NALCN: variants seen among roughly 807,000 people sequenced by gnomAD.
NALCN encodes the protein sodium leak channel, non-selective, also known as sodium leak channel NALCN.
NALCN carries 111 observed loss-of-function variants against 225.3 expected under a neutral mutation model. That is an observed-to-expected ratio of 0.49 (90% CI 0.42 to 0.58). NALCN has a LOEUF of 0.58. Among genes scored for constraint, NALCN ranks in the 20% least tolerant of loss-of-function variants. NALCN has a pLI of 0.00. For missense variants in NALCN, 1,378 were observed against 2,202.4 expected (o/e 0.63, Z 7.49); for synonymous variants, 764 against 769.0 (o/e 0.99, Z 0.11).
intron 7 of NALCN, among the ~76,000 whole-genome samples, chr13:101,304,974 C>T (rs1344122872): frequency 1.3e-5 from 2 of 151,872 alleles, no homozygotes; most frequent in Non-Finnish European, 2.9e-5. Flanking sequence ...CCAGACTGGT[C>T]TTGATCTCCT....
chr13:101,257,005 C>T (rs1192825963), intron 11 of NALCN, among the ~76,000 whole-genome samples: 4 of 152,194 alleles, frequency 2.6e-5, no homozygotes, highest in African/African-American at 7.2e-5. Context: ...CCTCGTGATC[C>T]ACCCGCCTTG....
chr13:101,362,893 C>A (rs1489949604), intron 6 of NALCN, among the ~76,000 whole-genome samples: 1 of 152,036 alleles, frequency 6.6e-6, no homozygotes. Flanking sequence ...CAGTAAATTG[C>A]AGGATACAAA....
At chr13:101,088,398 C>T (rs191470476) in intron 30 of NALCN, among the ~76,000 whole-genome samples, 31 of 152,258 alleles carry the variant, frequency 2.0e-4, no homozygotes, top group African/African-American at 5.1e-4. Flanking sequence ...TCGAGCAGCA[C>T]GGTGCTTTAC....
chr13:101,408,104 G>A (rs73567907), intron 1 of NALCN, among the ~76,000 whole-genome samples: 1 of 152,098 alleles, frequency 6.6e-6, no homozygotes, highest in Non-Finnish European at 1.5e-5. Context: ...CTTTCTGATT[G>A]CCACCCCAGG....
At chr13:101,392,458 G>A (rs1190606316) in intron 3 of NALCN, among the ~76,000 whole-genome samples, 2 of 152,132 alleles carry the variant, frequency 1.3e-5, no homozygotes, top group Non-Finnish European at 2.9e-5. Flanking sequence ...TAAAAAGCTA[G>A]TTGTGCTACA....
At chr13:101,299,783 A>G (rs1301825769) in intron 7 of NALCN, among the ~76,000 whole-genome samples, 2 of 152,142 alleles carry the variant, frequency 1.3e-5, no homozygotes, top group African/African-American at 4.8e-5. Flanking sequence ...CTCATCCTCT[A>G]ATAATCTCTT....
chr13:101,074,756 T>G (rs2033146028), intron 35 of NALCN, 94 bp from the exon 36 acceptor site: 1 of 1,411,484 alleles, frequency 7.1e-7, no homozygotes, highest in Non-Finnish European at 9.4e-7. Context: ...ATTCAATCTA[T>G]TAAGCTATGG....
chr13:101,395,230 A>G lies in NALCN; in HGVS notation c.244T>C (p.Tyr82His). The change falls in exon 3 of 44, where the codon TAC (tyrosine) becomes CAC (histidine). Residue 82 changes from tyrosine to histidine, a missense_variant. By Grantham distance (83) the Tyr-to-His change is moderately conservative (BLOSUM62 2). Transcript: ENST00000251127. ...FTLDTLLMFL[Y>H]TAEMIAKMHI... ...ATTTTTGCTATCATCTCTGCCGTGT[A>G]GAGAAACATCAATAATGTATCCAAA... The G allele has an allele frequency of 6.2e-7, 1 of 1,614,052 alleles. No homozygotes were observed. Among genetic ancestry groups the G allele is most frequent in the South Asian group, 1.1e-5 (1 of 91,072 alleles).
chr13:101,399,242 T>C (rs2047399018), intron 1 of NALCN, 77 bp from the exon 2 acceptor site: 2 of 955,338 alleles, frequency 2.1e-6, no homozygotes, highest in Non-Finnish European at 3.1e-6. Context: ...CACATATATC[T>C]ACTTATTTGT....
chr13:101,329,747 T>C (rs1433191097), intron 7 of NALCN, among the ~76,000 whole-genome samples: 1 of 152,000 alleles, frequency 6.6e-6, no homozygotes, highest in Non-Finnish European at 1.5e-5. Context: ...CCTAAAAATA[T>C]AAAAACATAG....
At chr13:101,055,514 C>A in intron 43 of NALCN, 26 bp from the exon 44 acceptor site, 1 of 1,600,764 alleles carries the variant, frequency 6.2e-7, no homozygotes, top group Non-Finnish European at 8.5e-7. Context: ...GTCCTATGAG[C>A]CACTTGGTAT....
intron 39 of NALCN, among the ~76,000 whole-genome samples, chr13:101,067,296 GAA>G (rs763233239): frequency 0.069 from 4,801 of 69,318 alleles, 271 homozygotes; most frequent in African/African-American, 0.11. Flanking sequence ...AGAGGAGGGG[GAA>G]GAGGAGGGGG....
chr13:101,106,221 GA>G (rs2035091021), intron 22 of NALCN, among the ~76,000 whole-genome samples: 1 of 152,058 alleles, frequency 6.6e-6, no homozygotes, highest in African/African-American at 2.4e-5. Context: ...AATCATATTA[GA>G]TTAGGGCCCA....
chr13:101,395,458 G>C, intron 2 of NALCN, 93 bp from the exon 3 acceptor site: 1 of 1,203,384 alleles, frequency 8.3e-7, no homozygotes, highest in East Asian at 2.5e-5. Flanking sequence ...ATAATACTGA[G>C]GTTAAAATAG....
In NALCN at chr13:101,147,035, C is replaced by T. The variant is rs189936566; in HGVS notation, c.1840-2139G>A. On this transcript the variant is annotated intron_variant, in intron 15 of 43. Transcript: ENST00000251127. ...GTTGACTTGGGGGCTCTAGATGTAT[C>T]AGGACTGGTATGCATATTTTATGAG... Among the ~76,000 whole-genome samples, 5 of 152,256 alleles carry T rather than the reference C, an allele frequency of 3.3e-5. No homozygotes were observed. In the East Asian group the frequency reaches 9.7e-4, roughly 29 times the overall value.
At chr13:101,319,498 CAT>C (rs1163950901) in intron 7 of NALCN, among the ~76,000 whole-genome samples, 1 of 152,144 alleles carries the variant, frequency 6.6e-6, no homozygotes, top group African/African-American at 2.4e-5. Context: ...GCGATTTTAT[CAT>C]AGTCAAAATA....
chr13:101,211,044 AT>A (rs1382692657), intron 13 of NALCN, among the ~76,000 whole-genome samples: 2 of 152,160 alleles, frequency 1.3e-5, no homozygotes, highest in African/African-American at 4.8e-5. Flanking sequence ...ACAGACACAA[AT>A]GTATGAACTG....
At position 101,104,247 on chromosome 13, in the gene NALCN, TTTACAAAACCA is replaced by T. The variant is rs761152605; in HGVS notation, c.2889+37_2889+47del. 6.4e-7 allele frequency: 1 copy of T among 1,551,864 alleles called. No individual in the cohort carries two copies. Among genetic ancestry groups the T allele is most frequent in the Non-Finnish European group, 8.7e-7 (1 of 1,154,304 alleles). On this transcript the variant is annotated intron_variant, in intron 25 of 43. Transcript: ENST00000251127. The surrounding 1 kb of genome is among the most constrained non-coding windows in gnomAD (Gnocchi z 4.2). ...GCTTATACCAAGAAATGCAGGAGAT[TTTACAAAACCA>T]TTACATTTTTCATTTAGGCAATAAG...
intron 13 of NALCN, among the ~76,000 whole-genome samples, chr13:101,211,763 G>A (rs2040534336): frequency 6.6e-6 from 1 of 151,630 alleles, no homozygotes. Context: ...AGCTTCAGAT[G>A]AGACTCAATT....
Sources: gnomAD v4.1 joint callset for allele counts (sites outside exome capture counted in the v4.1 genomes callset) on GRCh38, gnomAD v4.1.1 for gene constraint, Gnocchi (gnomAD v3.1) non-coding constraint, MANE v1.5 for transcripts, NCBI Gene and HGNC (gene_info 2026-07-23, HGNC 2026-07-21) for gene names.